Variants in NPAS3 observed in about 807,000 individuals in gnomAD.
NPAS3 encodes the protein neuronal PAS domain protein 3.
Under a neutral mutation model 73.1 loss-of-function variants are expected in NPAS3, and 14 were observed. The ratio of observed to expected loss-of-function variants is 0.19; its 90% CI spans 0.13 to 0.30. The LOEUF is 0.30. NPAS3 is among the 10% of genes least tolerant of loss of function. The pLI, the probability that NPAS3 is intolerant of heterozygous loss-of-function variation, is 1.00. For synonymous variants in NPAS3, 620 were observed against 541.5 expected (o/e 1.14, Z -2.01); for missense variants, 1,096 against 1,250.0 (o/e 0.88, Z 1.86).
intron 1 of NPAS3, among the ~76,000 whole-genome samples, chr14:32,955,831 A>C (rs1213228860): frequency 6.6e-6 from 1 of 152,084 alleles, no homozygotes; most frequent in Non-Finnish European, 1.5e-5. Flanking sequence ...CTCAGATGTA[A>C]AAAAGAAATT....
intron 5 of NPAS3, among the ~76,000 whole-genome samples, chr14:33,575,514 A>G (rs2056398896): frequency 6.6e-6 from 1 of 152,190 alleles, no homozygotes; most frequent in Admixed American, 6.5e-5. Flanking sequence ...AGGCTCCCAC[A>G]TTCCTTTTCT....
intron 1 of NPAS3, among the ~76,000 whole-genome samples, chr14:33,003,722 A>G (rs905768423): frequency 7.2e-5 from 11 of 152,252 alleles, no homozygotes; most frequent in African/African-American, 2.7e-4. Flanking sequence ...ATTCATAGGA[A>G]TAGGGGAAAA....
At chr14:33,086,094 C>T (rs1050655798) in intron 2 of NPAS3, among the ~76,000 whole-genome samples, 3 of 152,270 alleles carry the variant, frequency 2.0e-5, no homozygotes, top group South Asian at 2.1e-4. Context: ...TAGATACTCA[C>T]ACAGGATTGG....
chr14:32,949,009 A>T (rs2036378022), intron 1 of NPAS3, among the ~76,000 whole-genome samples: 1 of 152,098 alleles, frequency 6.6e-6, no homozygotes. Flanking sequence ...AGAAATCAGG[A>T]ACTTTAGTTT....
intron 2 of NPAS3, among the ~76,000 whole-genome samples, chr14:33,195,451 A>G (rs1399592289): frequency 6.6e-6 from 1 of 152,058 alleles, no homozygotes; most frequent in Non-Finnish European, 1.5e-5. Flanking sequence ...TTGTATTTTT[A>G]GTAGAGACAG....
intron 5 of NPAS3, among the ~76,000 whole-genome samples, chr14:33,585,345 A>G (rs951261608): frequency 1.2e-4 from 18 of 152,200 alleles, no homozygotes; most frequent in Admixed American, 3.9e-4. Flanking sequence ...ATATGACTGG[A>G]ATCTGAGAAA....
intron 4 of NPAS3, among the ~76,000 whole-genome samples, chr14:33,455,626 A>G (rs1020607999): frequency 6.6e-6 from 1 of 152,234 alleles, no homozygotes; most frequent in African/African-American, 2.4e-5. Context: ...TTACAGATGC[A>G]GCTATAATCT....
At chr14:33,791,951 A>C (rs2063370424) in intron 9 of NPAS3, among the ~76,000 whole-genome samples, 1 of 152,222 alleles carries the variant, frequency 6.6e-6, no homozygotes, top group Non-Finnish European at 1.5e-5. Flanking sequence ...TTATACCCCC[A>C]ACCACTGATT....
intron 2 of NPAS3, among the ~76,000 whole-genome samples, chr14:33,113,770 T>G (rs1450332478): frequency 2.6e-5 from 4 of 152,254 alleles, no homozygotes; most frequent in African/African-American, 7.2e-5. Flanking sequence ...ATGCTTCCAG[T>G]TTTTGCCCAT....
chr14:33,484,606 A>G (rs1199160795), intron 4 of NPAS3, among the ~76,000 whole-genome samples: 1 of 152,198 alleles, frequency 6.6e-6, no homozygotes, highest in African/African-American at 2.4e-5. Flanking sequence ...TAAATAGTAC[A>G]TGCTTAGAGA....
intron 1 of NPAS3, among the ~76,000 whole-genome samples, chr14:33,038,696 A>T (rs78022057): frequency 0.026 from 3,919 of 152,294 alleles, 49 homozygotes; most frequent in Admixed American, 0.03. Flanking sequence ...ATGGGAGGAC[A>T]GAGAACAAGG....
chr14:32,938,778 C>A (rs979800775), upstream of NPAS3, among the ~76,000 whole-genome samples: 1 of 148,580 alleles, frequency 6.7e-6, no homozygotes, highest in Non-Finnish European at 1.5e-5. Context: ...GGGTGAGAAC[C>A]CGGAGGCGGC....
intron 7 of NPAS3, among the ~76,000 whole-genome samples, chr14:33,747,590 T>A (rs2061844185): frequency 6.6e-6 from 1 of 152,206 alleles, no homozygotes; most frequent in Admixed American, 6.5e-5. Flanking sequence ...CAATCATCTG[T>A]AGTTACATCT....
intron 5 of NPAS3, among the ~76,000 whole-genome samples, chr14:33,588,515 C>G (rs2056948044): frequency 6.6e-6 from 1 of 152,220 alleles, no homozygotes; most frequent in African/African-American, 2.4e-5. Flanking sequence ...AGAACTCTTC[C>G]TGCTTTTCTT....
At chr14:33,771,729 T>C (rs1362446538) in intron 7 of NPAS3, among the ~76,000 whole-genome samples, 1 of 151,808 alleles carries the variant, frequency 6.6e-6, no homozygotes, top group Non-Finnish European at 1.5e-5. Context: ...GAGAATGGCG[T>C]GAACCTGGGA....
At chr14:33,254,330 T>C (rs1335776598) in intron 3 of NPAS3, among the ~76,000 whole-genome samples, 1 of 152,148 alleles carries the variant, frequency 6.6e-6, no homozygotes, top group African/African-American at 2.4e-5. Context: ...AAGAGAATGC[T>C]ACCTTCTCTT....
intron 5 of NPAS3, among the ~76,000 whole-genome samples, chr14:33,664,743 C>A (rs1595389590): frequency 1.3e-5 from 2 of 152,148 alleles, no homozygotes; most frequent in Admixed American, 6.5e-5. Context: ...ATGTGGCCAA[C>A]AAACATATGA....
At chr14:33,020,758 T>C (rs925053693) in intron 1 of NPAS3, among the ~76,000 whole-genome samples, 12 of 150,626 alleles carry the variant, frequency 8.0e-5, no homozygotes, top group African/African-American at 3.0e-4. Flanking sequence ...AGTCCAACGT[T>C]TTTGTTTCTT....
intron 2 of NPAS3, among the ~76,000 whole-genome samples, chr14:33,107,002 C>T (rs757562899): frequency 3.3e-5 from 5 of 152,082 alleles, no homozygotes; most frequent in Non-Finnish European, 7.4e-5. Context: ...TATTGCTTCC[C>T]TTTGAGTGTC....
Sources: gnomAD v4.1 joint callset for allele counts (sites outside exome capture counted in the v4.1 genomes callset) on GRCh38, gnomAD v4.1.1 for gene constraint, MANE v1.5 for transcripts, NCBI Gene and HGNC (gene_info 2026-07-23, HGNC 2026-07-21) for gene names.